C16orf46: variants seen among roughly 807,000 people sequenced by gnomAD.
C16orf46 encodes uncharacterized protein C16orf46.
Under a neutral mutation model 5.5 loss-of-function variants are expected in C16orf46, and 7 were observed. The ratio of observed to expected loss-of-function variants is 1.28; its 90% CI spans 0.73 to 2.40. The LOEUF (loss-of-function observed/expected upper bound fraction) is 2.40, where lower values mean the gene tolerates loss of function less well. Ranked by LOEUF, C16orf46 falls within the 30% of genes most tolerant of loss-of-function variation. The pLI is 0.00. For missense variants in C16orf46, 614 were observed against 476.0 expected, an observed-to-expected ratio of 1.29 and a Z score of -2.70; for synonymous variants, 200 against 184.1, an observed-to-expected ratio of 1.09 and a Z score of -0.70.
chr16:81,061,142 G>C lies in C16orf46; in HGVS notation c.*19C>G. ...GCATCTCAAACGGTGCTTATTCCCA[G>C]GGGTTCTACCGCAACCGCTCAGAGG... On this transcript the variant is annotated 3_prime_UTR_variant, in exon 4 of 4. Coordinates refer to ENST00000299578, the MANE Select transcript of C16orf46 (RefSeq NM_152337.3). 6.4e-7 allele frequency: 1 copy of C among 1,562,904 alleles called. No individual in the cohort carries two copies. Among genetic ancestry groups the C allele is most frequent in the Non-Finnish European group, 8.7e-7 (1 of 1,154,888 alleles).
rs1487685717 is a variant in C16orf46 at position 81,061,579 on chromosome 16, G to T, written c.770C>A (p.Thr257Lys). The T allele has an allele frequency of 1.9e-6, 3 of 1,613,998 alleles. No individual in the cohort carries two copies. Among genetic ancestry groups the T allele is most frequent in the Non-Finnish European group, 2.5e-6 (3 of 1,180,046 alleles). The change falls in exon 4 of 4, where the codon ACA becomes AAA. Residue 257 changes from threonine to lysine, a missense_variant. Thr to Lys is a moderately conservative substitution (Grantham distance 78). Transcript: ENST00000299578. Reference protein sequence around the residue: ...GCVAYAYGLKTADGKGEKRAS... With the variant: ...GCVAYAYGLKKADGKGEKRAS... ...TCTTTTTTCACCTTTCCCATCTGCT[G>T]TTTTCAAGCCATATGCATAAGCCAC...
At chr16:81,076,360 C>G (rs1972039244) in intron 1 of C16orf46, 2 of 152,120 alleles carry the variant, frequency 1.3e-5, no homozygotes. Flanking sequence ...TTCATATTTC[C>G]AAGAGTATAA....
At chr16:81,063,692 C>T in intron 3 of C16orf46, 54 bp downstream of exon 3, 2 of 1,489,658 alleles carry the variant, frequency 1.3e-6, no homozygotes, top group Non-Finnish European at 9.2e-7. Context: ...GAGGCTTGCA[C>T]CAAAACACTG....
intron 1 of C16orf46, among the ~76,000 whole-genome samples, chr16:81,074,394 C>CT (rs60066332): frequency 0.079 from 11,756 of 148,676 alleles, 484 homozygotes; most frequent in East Asian, 0.2. Context: ...TTTTTTCTTT[C>CT]TTTTTTTTTT....
At chr16:81,075,153 T>C (rs966477751) in intron 1 of C16orf46, among the ~76,000 whole-genome samples, 1 of 152,220 alleles carries the variant, frequency 6.6e-6, no homozygotes, top group Non-Finnish European at 1.5e-5. Flanking sequence ...CTGGCCTATG[T>C]TTCTAAATCT....
chr16:81,054,707 G>A (rs1971245505), intron 3 of C16orf46, among the ~76,000 whole-genome samples: 1 of 152,056 alleles, frequency 6.6e-6, no homozygotes. Context: ...GGTATGCAGT[G>A]GCGTGATCTC....
chr16:81,068,147 T>C (rs1052729600), intron 1 of C16orf46, among the ~76,000 whole-genome samples: 1 of 152,242 alleles, frequency 6.6e-6, no homozygotes, highest in African/African-American at 2.4e-5. Flanking sequence ...AGTACAAGAC[T>C]ATCAAATGCT....
At chr16:81,068,053 G>T (rs554079030) in intron 1 of C16orf46, among the ~76,000 whole-genome samples, 1 of 152,290 alleles carries the variant, frequency 6.6e-6, no homozygotes, top group East Asian at 1.9e-4. Flanking sequence ...CAAAGGAACA[G>T]GTGTAAATGC....
intron 1 of C16orf46, chr16:81,072,333 AAAAAAAAAAAAAAGAAT>A (rs1428401692): frequency 6.7e-6 from 1 of 149,340 alleles, no homozygotes; most frequent in Non-Finnish European, 1.5e-5. Context: ...TGATGCAAAA[AAAAAAAAAAAAAAGAAT>A]AAAAAAGAAA....
intron 3 of C16orf46, among the ~76,000 whole-genome samples, chr16:81,063,136 A>G (rs918816746): frequency 3.3e-5 from 5 of 151,202 alleles, no homozygotes; most frequent in African/African-American, 9.7e-5. Context: ...CCAGCTACTC[A>G]GGAGGCTGAG....
chr16:81,060,946 A>G (rs892847709), downstream of C16orf46: 3 of 1,334,534 alleles, frequency 2.2e-6, no homozygotes, highest in Admixed American at 3.2e-5. Flanking sequence ...ACACATGAAT[A>G]TGGTGTTTTA....
Position 81,062,053 on chromosome 16 carries a change from C to A in C16orf46, c.296G>T (p.Cys99Phe). 1.9e-6 allele frequency: 3 copies of A among 1,613,096 alleles called. No individual in the cohort carries two copies. Among genetic ancestry groups the A allele is most frequent in the Non-Finnish European group, 2.5e-6 (3 of 1,179,992 alleles). The stretch of plus-strand genomic sequence containing the variant: ...GTTAACACACACCAAGCAGTCGCTG[C>A]AGGCACCTTCCCCTACCCTCGCCTT... Reference protein sequence around the residue: ...PKKARVGEGACSDCLVCVNLS... With the variant: ...PKKARVGEGAFSDCLVCVNLS... The change falls in exon 4 of 4, where the codon TGC (cysteine) becomes TTC (phenylalanine). Residue 99 changes from cysteine (C) to phenylalanine (F), a missense_variant. Coordinates refer to ENST00000299578, the MANE Select transcript of C16orf46 (RefSeq NM_152337.3).
At chr16:81,074,079 T>C (rs1408834801) in intron 1 of C16orf46, among the ~76,000 whole-genome samples, 1 of 152,232 alleles carries the variant, frequency 6.6e-6, no homozygotes. Flanking sequence ...ATTCGAATGA[T>C]CTCAAATTAA....
intron 3 of C16orf46, chr16:81,055,852 G>C (rs1219673154): frequency 6.6e-6 from 1 of 152,154 alleles, no homozygotes; most frequent in Admixed American, 6.5e-5. Flanking sequence ...CAAGTAGCTG[G>C]GATTATAGGC....
chr16:81,067,691 T>TA (rs1459981183), intron 1 of C16orf46, among the ~76,000 whole-genome samples: 10 of 152,166 alleles, frequency 6.6e-5, no homozygotes, highest in African/African-American at 2.4e-4. Flanking sequence ...TAGCTGGGAT[T>TA]ACAGGCGTGC....
At chr16:81,068,023 C>CATTGAATT (rs570372398) in intron 1 of C16orf46, among the ~76,000 whole-genome samples, 18 of 152,276 alleles carry the variant, frequency 1.2e-4, no homozygotes, top group Middle Eastern at 3.4e-3. Flanking sequence ...AAGGGCTTCT[C>CATTGAATT]ATTGAATTTA....
At chr16:81,072,837 G>T (rs1427793691) in intron 1 of C16orf46, among the ~76,000 whole-genome samples, 1 of 152,156 alleles carries the variant, frequency 6.6e-6, no homozygotes, top group African/African-American at 2.4e-5. Context: ...GAGTAGCTGG[G>T]ATTACAGGCG....
Position 81,063,735 on chromosome 16 carries a change from A to T in C16orf46, c.210+11T>A. 1 of 1,604,380 alleles carries T rather than the reference A, an allele frequency of 6.2e-7. No individual in the cohort carries two copies. The highest frequency in any genetic ancestry group is 8.5e-7 in the Non-Finnish European group (1 of 1,172,072). On this transcript the variant is annotated intron_variant, in intron 3 of 3. Coordinates refer to ENST00000299578, the MANE Select transcript of C16orf46 (RefSeq NM_152337.3). ...AGAGACAGAAAAGCTGTGACTCAGA[A>T]AGATACTCACTGCCTCTTCCCATCC...
At position 81,061,241 on chromosome 16, in the gene C16orf46, T is replaced by A. The variant is rs1055414252; in HGVS notation, c.1108A>T (p.Lys370Ter). 1 of 1,614,152 alleles carries A rather than the reference T, an allele frequency of 6.2e-7. No homozygotes were observed. Among genetic ancestry groups the A allele is most frequent in the Non-Finnish European group, 8.5e-7 (1 of 1,180,026 alleles). The change falls in exon 4 of 4, where the codon AAA becomes TAA. Residue 370 changes from lysine (K) to a stop codon, truncating the protein, a stop_gained. Transcript: ENST00000299578. LOFTEE classifies it high-confidence loss of function. ...QENRPQMLET[K>*]VFPRPVLPSL... ...GGCAAGACAGGTCTTGGGAAAACTT[T>A]GGTCTCCAGCATTTGGGGCCTGTTT...
Sources: gnomAD v4.1 joint callset for allele counts (sites outside exome capture counted in the v4.1 genomes callset) on GRCh38, gnomAD v4.1.1 for gene constraint, MANE v1.5 for transcripts, NCBI Gene and HGNC (gene_info 2026-07-23, HGNC 2026-07-21) for gene names.